Variants in DYM observed in about 807,000 individuals in gnomAD.
The protein encoded by DYM is dyggve-Melchior-Clausen syndrome protein.
DYM carries 78 observed loss-of-function variants against 93.1 expected under a neutral mutation model. That is an observed-to-expected ratio of 0.84 (90% CI 0.70 to 1.01). The LOEUF (loss-of-function observed/expected upper bound fraction) is 1.01. DYM is among the 50% of genes least tolerant of loss of function. The probability of loss-of-function intolerance (pLI) is 0.00; values close to 1 mark genes in which losing one functional copy is unlikely to be tolerated. For missense variants in DYM, 789 were observed against 845.0 expected (o/e 0.93, Z 0.82); for synonymous variants, 321 against 319.7 (o/e 1.00, Z -0.04).
chr18:49,408,964 T>C (rs1158177860), intron 2 of DYM, among the ~76,000 whole-genome samples: 3 of 152,060 alleles, frequency 2.0e-5, no homozygotes, highest in Admixed American at 2.0e-4. Context: ...TACAGAAATA[T>C]TCAGTTGTGA....
chr18:49,455,230 G>A (rs1437864559), intron 1 of DYM, among the ~76,000 whole-genome samples: 1 of 152,102 alleles, frequency 6.6e-6, no homozygotes, highest in East Asian at 1.9e-4. Flanking sequence ...TCTATGTCTA[G>A]TCAGAACTGT....
rs868806676 is a variant in DYM, at chr18:49,202,990, C to T, written c.1625+6561G>A. ...CCCCCGCCCGGCCAGCCGTGCCATC[C>T]GGGAGGGAGGTGGGGGGGTCAGCCC... On this transcript the variant is annotated intron_variant, in intron 14 of 17. Coordinates refer to ENST00000675505, the MANE Select transcript of DYM (RefSeq NM_001353214.3). Among the ~76,000 whole-genome samples the T allele has an allele frequency of 5.5e-3, 434 of 78,240 alleles. 13 individuals carry two copies. Among genetic ancestry groups the T allele is most frequent in the African/African-American group, 0.02 (415 of 20,992 alleles). The allele number at this position is 78,240 out of a possible 152,430, so 51.3% of individuals were successfully genotyped here. A position where few individuals can be genotyped will look rare whatever the true frequency, so the allele number is the denominator to read the frequency against.
chr18:49,335,525 T>A (rs552200343), intron 6 of DYM, among the ~76,000 whole-genome samples: 11 of 152,338 alleles, frequency 7.2e-5, no homozygotes, highest in Admixed American at 1.3e-4. Flanking sequence ...CTTTCATGAA[T>A]TGAATGAAAG....
chr18:49,078,791 T>C (rs962196285), intron 17 of DYM, among the ~76,000 whole-genome samples: 1 of 152,244 alleles, frequency 6.6e-6, no homozygotes, highest in African/African-American at 2.4e-5. Flanking sequence ...TTTACTTAGA[T>C]ATTTACTACT....
At chr18:49,459,925 G>A (rs958881050) in intron 1 of DYM, among the ~76,000 whole-genome samples, 1 of 145,164 alleles carries the variant, frequency 6.9e-6, no homozygotes, top group Non-Finnish European at 1.5e-5. Flanking sequence ...GGGCGGGGGG[G>A]GCGGTGATTA....
chr18:49,428,991 C>T (rs1456280816), intron 2 of DYM, among the ~76,000 whole-genome samples: 1 of 152,222 alleles, frequency 6.6e-6, no homozygotes, highest in Non-Finnish European at 1.5e-5. Context: ...GTCTGACACT[C>T]AATGAGCTAA....
intron 15 of DYM, among the ~76,000 whole-genome samples, chr18:49,137,877 A>T (rs1227654005): frequency 7.2e-5 from 11 of 152,198 alleles, no homozygotes; most frequent in African/African-American, 2.7e-4. Context: ...AAATGTGCAC[A>T]GAAGCAACTA....
chr18:49,221,430 C>G (rs889291225), intron 13 of DYM, among the ~76,000 whole-genome samples: 24 of 152,166 alleles, frequency 1.6e-4, no homozygotes, highest in East Asian at 3.9e-4. Context: ...GATTATAAAT[C>G]ATGCTGCTAT....
At chr18:49,354,430 C>T (rs1258986381) in intron 6 of DYM, among the ~76,000 whole-genome samples, 1 of 151,898 alleles carries the variant, frequency 6.6e-6, no homozygotes, top group Non-Finnish European at 1.5e-5. Flanking sequence ...AAAAAAATAA[C>T]TGAGAGCAAG....
chr18:49,143,626 T>C (rs1047506150), intron 15 of DYM, among the ~76,000 whole-genome samples: 1 of 152,152 alleles, frequency 6.6e-6, no homozygotes, highest in South Asian at 2.1e-4. Flanking sequence ...CTGATTCCAA[T>C]ACTCATATTA....
intron 17 of DYM, among the ~76,000 whole-genome samples, chr18:49,072,383 T>TA (rs574215379): frequency 7.4e-5 from 11 of 149,530 alleles, no homozygotes; most frequent in Non-Finnish European, 1.3e-4. Flanking sequence ...AATGCCAACA[T>TA]AAAAAAAAAA....
rs2070775490 is a variant in DYM, at chr18:49,038,226, C to T, written c.*5829G>A. Among the ~76,000 whole-genome samples the T allele has an allele frequency of 6.6e-6, 1 of 152,182 alleles. No individual in the cohort carries two copies. The highest frequency in any genetic ancestry group is 2.1e-4 in the South Asian group (1 of 4,838). ...CCTACATACATCCGTTTGGTTTGCT[C>T]ATTTCATTGCTTAAATCTTTTATAA... On this transcript the variant is annotated 3_prime_UTR_variant, in exon 18 of 18. Transcript: ENST00000675505.
At chr18:49,094,638 C>T (rs1350426900) in intron 17 of DYM, among the ~76,000 whole-genome samples, 2 of 152,106 alleles carry the variant, frequency 1.3e-5, no homozygotes, top group African/African-American at 4.8e-5. Context: ...TATGCATTCC[C>T]ACATAGGATA....
chr18:49,329,792 C>G (rs1272585146), intron 8 of DYM: 1 of 152,234 alleles, frequency 6.6e-6, no homozygotes, highest in Non-Finnish European at 1.5e-5. Context: ...AGGAAAACTT[C>G]AATCCCAACA....
intron 8 of DYM, among the ~76,000 whole-genome samples, chr18:49,327,029 GTGTGTGTGGT>G (rs2062935251): frequency 2.2e-5 from 3 of 136,728 alleles, no homozygotes; most frequent in Non-Finnish European, 4.7e-5. Context: ...GTGTGTGTGT[GTGTGTGTGGT>G]GGGGGGAGAG....
chr18:49,201,717 T>A (rs538258366), intron 14 of DYM, among the ~76,000 whole-genome samples: 1 of 152,358 alleles, frequency 6.6e-6, no homozygotes, highest in South Asian at 2.1e-4. Flanking sequence ...TGTGAACTTC[T>A]GGACTTGAGT....
chr18:49,427,890 C>A (rs998971189), intron 2 of DYM, among the ~76,000 whole-genome samples: 11 of 152,136 alleles, frequency 7.2e-5, no homozygotes, highest in African/African-American at 2.7e-4. Flanking sequence ...TCGTTCAAGA[C>A]CAGCCTGGGC....
intron 2 of DYM, among the ~76,000 whole-genome samples, chr18:49,405,679 T>C (rs1365908262): frequency 1.3e-5 from 2 of 152,236 alleles, no homozygotes; most frequent in Non-Finnish European, 2.9e-5. Context: ...TCCAGCTTTG[T>C]TCTTTTTGCT....
intron 2 of DYM, among the ~76,000 whole-genome samples, chr18:49,401,104 AC>A (rs2070764363): frequency 1.3e-5 from 2 of 152,242 alleles, no homozygotes; most frequent in South Asian, 4.1e-4. Flanking sequence ...ACTAATTCAG[AC>A]TAAATAAGTA....
Sources: gnomAD v4.1 joint callset for allele counts (sites outside exome capture counted in the v4.1 genomes callset) on GRCh38, gnomAD v4.1.1 for gene constraint, MANE v1.5 for transcripts, NCBI Gene and HGNC (gene_info 2026-07-23, HGNC 2026-07-21) for gene names.